The following ERC2 variants were observed in gnomAD, a reference collection of about 807,000 sequenced individuals.
ERC2 encodes the protein ERC protein 2.
In ERC2, 42 loss-of-function variants were observed where a neutral mutation model predicts 114.8. The observed-to-expected ratio is 0.37, with a 90% CI of 0.29 to 0.47. ERC2 has a LOEUF of 0.47. ERC2 is among the 20% of genes least tolerant of loss of function. ERC2 has a pLI of 0.99. For synonymous variants in ERC2, 454 were observed against 425.5 expected, an observed-to-expected ratio of 1.07 and a Z score of -0.82; for missense variants, 939 against 1,150.7, an observed-to-expected ratio of 0.82 and a Z score of 2.66.
intron 2 of ERC2, among the ~76,000 whole-genome samples, chr3:56,306,097 C>T (rs572535335): frequency 2.0e-5 from 3 of 152,148 alleles, no homozygotes; most frequent in Non-Finnish European, 1.5e-5. Context: ...GATCCTCCCG[C>T]CTCGGCCTCC....
At chr3:55,684,434 T>C (rs549109134) in intron 16 of ERC2, among the ~76,000 whole-genome samples, 1 of 152,172 alleles carries the variant, frequency 6.6e-6, no homozygotes. Context: ...ATCTTCTTAG[T>C]TGACAGATTC....
rs748917550 is a variant in ERC2, at chr3:55,691,544, C to CA, written c.2848-7686dup. Among the ~76,000 whole-genome samples, 18 of 67,016 alleles carry CA rather than the reference C, an allele frequency of 2.7e-4. 3 individuals are homozygous for CA. The highest frequency in any genetic ancestry group is 6.9e-4 in the Admixed American group (3 of 4,344). The allele number at this position is 67,016 out of a possible 152,430, so 44.0% of individuals were successfully genotyped here. On this transcript the variant is annotated intron_variant, in intron 16 of 17. Transcript: ENST00000288221. The stretch of plus-strand genomic sequence containing the variant: ...GGGCCATGACATTAGATTTGCAATG[C>CA]AAAAAAAAAAAAAAAAAAAAAAAAA...
At chr3:55,858,735 C>T (rs1195228105) in intron 14 of ERC2, among the ~76,000 whole-genome samples, 3 of 152,212 alleles carry the variant, frequency 2.0e-5, no homozygotes, top group South Asian at 4.1e-4. Context: ...AGGTGATCTC[C>T]TTTACAGCAG....
chr3:56,101,346 G>A (rs565170617), intron 6 of ERC2, among the ~76,000 whole-genome samples: 16 of 146,728 alleles, frequency 1.1e-4, no homozygotes, highest in African/African-American at 4.1e-4. Context: ...CAGAAAGAGA[G>A]ACTGTTTTCC....
intron 13 of ERC2, among the ~76,000 whole-genome samples, chr3:55,947,718 T>C (rs918200470): frequency 6.6e-6 from 1 of 152,156 alleles, no homozygotes; most frequent in African/African-American, 2.4e-5. Flanking sequence ...CTGGGCCAGT[T>C]AGTCAACCTG....
At chr3:56,144,434 G>A (rs747827723) in intron 5 of ERC2, among the ~76,000 whole-genome samples, 6 of 152,176 alleles carry the variant, frequency 3.9e-5, no homozygotes, top group Non-Finnish European at 7.3e-5. Flanking sequence ...GTTTATAGTT[G>A]ATTCCACATA....
At chr3:55,799,491 G>A (rs78639457) in intron 14 of ERC2, among the ~76,000 whole-genome samples, 1 of 87,302 alleles carries the variant, frequency 1.1e-5, no homozygotes, top group African/African-American at 5.4e-5. Context: ...TCTATCACAC[G>A]GCATCCTACA....
intron 2 of ERC2, among the ~76,000 whole-genome samples, chr3:56,379,957 A>C (rs1250533188): frequency 6.6e-6 from 1 of 152,172 alleles, no homozygotes; most frequent in African/African-American, 2.4e-5. Context: ...TCTCAGCCTC[A>C]GCATTATGAA....
At chr3:55,903,956 C>A (rs985864584) in intron 13 of ERC2, among the ~76,000 whole-genome samples, 10 of 152,220 alleles carry the variant, frequency 6.6e-5, no homozygotes, top group African/African-American at 2.4e-4. Flanking sequence ...CAGAGGGCAG[C>A]CCAGGAAGGG....
intron 17 of ERC2, among the ~76,000 whole-genome samples, chr3:55,618,187 A>G (rs1339615472): frequency 6.6e-6 from 1 of 152,180 alleles, no homozygotes; most frequent in African/African-American, 2.4e-5. Flanking sequence ...CAGAAGAAAA[A>G]TACTGAGAGC....
intron 6 of ERC2, among the ~76,000 whole-genome samples, chr3:56,103,136 AAG>A (rs2078451138): frequency 1.3e-5 from 2 of 152,266 alleles, no homozygotes; most frequent in South Asian, 4.2e-4. Flanking sequence ...GATGAGACGA[AAG>A]AGAAAATGGT....
intron 10 of ERC2, among the ~76,000 whole-genome samples, chr3:55,994,736 T>G (rs1456172521): frequency 6.6e-6 from 1 of 150,642 alleles, no homozygotes; most frequent in Non-Finnish European, 1.5e-5. Context: ...CACATATTCC[T>G]TATTTTAGCT....
intron 17 of ERC2, among the ~76,000 whole-genome samples, chr3:55,669,574 T>C (rs568509947): frequency 1.3e-5 from 2 of 152,346 alleles, no homozygotes; most frequent in African/African-American, 4.8e-5. Context: ...CAAAACATGA[T>C]TGTATTTCTT....
At position 56,267,438 on chromosome 3, in the gene ERC2, G is replaced by A. The variant is rs150823670; in HGVS notation, c.1074+28581C>T. Among the ~76,000 whole-genome samples the A allele has an allele frequency of 2.3e-3, 344 of 152,266 alleles. 1 individual carries two copies. The highest frequency in any genetic ancestry group is 3.6e-3 in the Non-Finnish European group (242 of 68,012). ...AATCAAATACAATAGAAACAGGATA[G>A]AAGAATGGTTATGGCAGGAAGCGGG... On this transcript the variant is annotated intron_variant, in intron 3 of 17. Transcript: ENST00000288221.
intron 7 of ERC2, among the ~76,000 whole-genome samples, chr3:56,020,780 T>C (rs923239073): frequency 5.3e-5 from 8 of 152,154 alleles, no homozygotes; most frequent in African/African-American, 1.9e-4. Context: ...GAGGAGGACA[T>C]CAGCCTTGGG....
chr3:56,002,802 G>A (rs751574044), intron 10 of ERC2, among the ~76,000 whole-genome samples: 2 of 152,130 alleles, frequency 1.3e-5, no homozygotes, highest in Non-Finnish European at 2.9e-5. Flanking sequence ...AGGATTTAAG[G>A]AAGAGTTCCA....
At chr3:55,858,661 T>C (rs2061892882) in intron 14 of ERC2, among the ~76,000 whole-genome samples, 1 of 152,184 alleles carries the variant, frequency 6.6e-6, no homozygotes, top group African/African-American at 2.4e-5. Context: ...GTCTCTATAT[T>C]GTAGAGCAAG....
At chr3:55,920,119 G>A (rs1382088162) in intron 13 of ERC2, among the ~76,000 whole-genome samples, 2 of 152,084 alleles carry the variant, frequency 1.3e-5, no homozygotes, top group South Asian at 2.1e-4. Context: ...ACATTTTGGA[G>A]AGGATTCTCT....
chr3:55,729,782 G>A (rs886777065), intron 15 of ERC2, among the ~76,000 whole-genome samples: 1 of 130,566 alleles, frequency 7.7e-6, no homozygotes, highest in Non-Finnish European at 1.6e-5. Flanking sequence ...AGCTTGCAGT[G>A]AGCTATGATC....
Sources: allele counts gnomAD v4.1 joint callset (sites outside exome capture counted in the v4.1 genomes callset), GRCh38; gene constraint gnomAD v4.1.1; transcripts MANE v1.5; gene names NCBI Gene and HGNC (gene_info 2026-07-23, HGNC 2026-07-21).